PRPF3: variants seen among roughly 807,000 people sequenced by gnomAD.
PRPF3 encodes the protein pre-mRNA processing factor 3.
In PRPF3, 3 loss-of-function variants were observed where a neutral mutation model predicts 89.2. That is an observed-to-expected ratio of 0.03 (90% confidence interval 0.02 to 0.09). The LOEUF (loss-of-function observed/expected upper bound fraction) is 0.09, where lower values mean the gene tolerates loss of function less well. Among genes scored for constraint, PRPF3 ranks in the 10% least tolerant of loss-of-function variants. PRPF3 has a pLI of 1.00. For synonymous variants in PRPF3, 270 were observed against 289.1 expected (o/e 0.93, Z 0.67); for missense variants, 463 against 828.8 (o/e 0.56, Z 5.42).
At chr1:150,346,371 C>T (rs782678627) in intron 13 of PRPF3, 37 bp from the exon 14 acceptor site, 3 of 1,581,624 alleles carry the variant, frequency 1.9e-6, no homozygotes, top group East Asian at 2.2e-5. Flanking sequence ...CCATCATCTT[C>T]CACAGTTCTG....
chr1:150,331,256 C>T (rs1474365580), intron 4 of PRPF3, among the ~76,000 whole-genome samples: 1 of 152,136 alleles, frequency 6.6e-6, no homozygotes, highest in Non-Finnish European at 1.5e-5. Flanking sequence ...CCAGGATGGT[C>T]TCGATCTCCT....
chr1:150,339,252 G>T (rs941522787), intron 8 of PRPF3, among the ~76,000 whole-genome samples: 1 of 151,136 alleles, frequency 6.6e-6, no homozygotes, highest in African/African-American at 2.4e-5. Context: ...GCTTGTGCCT[G>T]TAGTCCTGGC....
chr1:150,327,342 A>G (rs1259012822), intron 3 of PRPF3, among the ~76,000 whole-genome samples: 6 of 152,148 alleles, frequency 3.9e-5, no homozygotes, highest in African/African-American at 1.4e-4. Context: ...CTGGAATTAC[A>G]GGCATGAGCC....
intron 2 of PRPF3, 111 bp from the exon 3 acceptor site, chr1:150,325,636 TAAAA>T: frequency 1.4e-6 from 2 of 1,398,180 alleles, no homozygotes; most frequent in Admixed American, 3.5e-5. Flanking sequence ...ACAAAAAACT[TAAAA>T]TTTGTTTCAC....
intron 7 of PRPF3, among the ~76,000 whole-genome samples, chr1:150,335,760 C>T (rs1292419589): frequency 6.2e-5 from 4 of 64,528 alleles, no homozygotes; most frequent in East Asian, 4.8e-4. Context: ...CCACCGCCCC[C>T]GCCTTTTTTT....
intron 3 of PRPF3, chr1:150,327,966 G>C: frequency 3.0e-6 from 1 of 328,652 alleles, no homozygotes; most frequent in Non-Finnish European, 5.8e-6. Context: ...AGTGGGATAG[G>C]TTATAATGAG....
intron 8 of PRPF3, among the ~76,000 whole-genome samples, chr1:150,339,398 C>T (rs150239867): frequency 1.3e-4 from 19 of 150,988 alleles, no homozygotes; most frequent in African/African-American, 4.6e-4. Context: ...GGATATAAGA[C>T]ACATTTGAAG....
chr1:150,347,547 T>G (rs1206142306), intron 14 of PRPF3, among the ~76,000 whole-genome samples: 1 of 151,952 alleles, frequency 6.6e-6, no homozygotes, highest in African/African-American at 2.4e-5. Flanking sequence ...CTGGCCAACA[T>G]GGTGAAACCC....
chr1:150,339,062 T>G (rs968275185), intron 8 of PRPF3, among the ~76,000 whole-genome samples: 1 of 152,054 alleles, frequency 6.6e-6, no homozygotes, highest in African/African-American at 2.4e-5. Context: ...GTAGGTGAGA[T>G]AATAGTAAAT....
At chr1:150,333,522 G>A (rs587605212) in intron 6 of PRPF3, among the ~76,000 whole-genome samples, 2 of 152,158 alleles carry the variant, frequency 1.3e-5, no homozygotes, top group African/African-American at 4.8e-5. Flanking sequence ...AGCTGAGATC[G>A]TGCCACTGCG....
intron 15 of PRPF3, 132 bp from the exon 16 acceptor site, chr1:150,352,701 A>G (rs1292959729): frequency 1.8e-5 from 18 of 986,460 alleles, no homozygotes; most frequent in Non-Finnish European, 2.7e-5. Flanking sequence ...GGAGGTCACA[A>G]TTTTTTTTTA....
At chr1:150,351,497 T>G (rs1439666997) in intron 15 of PRPF3, among the ~76,000 whole-genome samples, 1 of 152,008 alleles carries the variant, frequency 6.6e-6, no homozygotes, top group Non-Finnish European at 1.5e-5. Flanking sequence ...TGTTATCTTT[T>G]TTTAATCAAC....
intron 4 of PRPF3, among the ~76,000 whole-genome samples, chr1:150,330,975 C>T (rs1435117517): frequency 6.6e-6 from 1 of 152,058 alleles, no homozygotes; most frequent in Admixed American, 6.5e-5. Flanking sequence ...GCTCGGCCTC[C>T]CAAAGTGCTG....
At chr1:150,328,073 G>A in intron 3 of PRPF3, 1 of 496,182 alleles carries the variant, frequency 2.0e-6, no homozygotes. Flanking sequence ...AGTAGCATTT[G>A]CAAAGACCTT....
At chr1:150,338,382 G>T in intron 8 of PRPF3, 56 bp downstream of exon 8, 1 of 1,530,024 alleles carries the variant, frequency 6.5e-7, no homozygotes, top group South Asian at 1.1e-5. Context: ...CTGAGTTTAA[G>T]ACTCAAGTTA....
intron 8 of PRPF3, among the ~76,000 whole-genome samples, chr1:150,339,454 G>A (rs1159087849): frequency 1.2e-4 from 17 of 139,920 alleles, no homozygotes; most frequent in South Asian, 2.3e-4. Flanking sequence ...TTTTTTTCCT[G>A]AGACGGAGTT....
chr1:150,326,619 C>T (rs1425617941), intron 3 of PRPF3, among the ~76,000 whole-genome samples: 1 of 151,968 alleles, frequency 6.6e-6, no homozygotes, highest in Non-Finnish European at 1.5e-5. Context: ...TATCCCATTA[C>T]TTTTCCTGAG....
intron 1 of PRPF3, among the ~76,000 whole-genome samples, chr1:150,323,439 T>C (rs587646045): frequency 1.3e-5 from 2 of 151,866 alleles, no homozygotes; most frequent in African/African-American, 4.8e-5. Context: ...AGGTAAGGCA[T>C]TACCTGGCCG....
At chr1:150,341,258 TAAATGC>T (rs1418188576) in intron 9 of PRPF3, among the ~76,000 whole-genome samples, 1 of 152,066 alleles carries the variant, frequency 6.6e-6, no homozygotes, top group East Asian at 1.9e-4. Flanking sequence ...CATCCACAGC[TAAATGC>T]AAATGCAAGA....
Sources: gnomAD v4.1 joint callset for allele counts (sites outside exome capture counted in the v4.1 genomes callset) on GRCh38, gnomAD v4.1.1 for gene constraint, MANE v1.5 for transcripts, NCBI Gene and HGNC (gene_info 2026-07-23, HGNC 2026-07-21) for gene names.